The following SS18 variants were observed in gnomAD, a reference collection of about 807,000 sequenced individuals.
The protein encoded by SS18 is SS18 subunit of BAF chromatin remodeling complex, also known as protein SSXT.
A neutral mutation model predicts 72.5 loss-of-function variants in SS18; 28 were observed. The ratio of observed to expected loss-of-function variants is 0.39; its 90% CI spans 0.29 to 0.53. The LOEUF (loss-of-function observed/expected upper bound fraction) is 0.53. Among genes scored for constraint, SS18 ranks in the 20% least tolerant of loss-of-function variants. The pLI, the probability that SS18 is intolerant of heterozygous loss-of-function variation, is 0.76. For missense variants in SS18, 518 were observed against 535.3 expected (o/e 0.97, Z 0.32); for synonymous variants, 172 against 164.2 (o/e 1.05, Z -0.37).
Position 26,090,529 on chromosome 18 carries a change from C to G in SS18, c.41G>C (p.Gly14Ala), listed in dbSNP as rs2054706125. Residue 14 changes from glycine to alanine, a missense_variant, in exon 1 of 11, where the codon GGG becomes GCG. Physicochemically the swap from Gly to Ala is moderately conservative, Grantham distance 60. Coordinates refer to ENST00000415083, the MANE Select transcript of SS18 (RefSeq NM_001007559.3). ...CTGAATCGCAGCGGGAGTGATCTCC[C>G]CCTTGCCTCGCTGCCTCGGGGCCGC... Reference protein sequence around the residue: ...AFAAPRQRGKGEITPAAIQKM... With the variant: ...AFAAPRQRGKAEITPAAIQKM... 2.5e-6 allele frequency: 4 copies of G among 1,588,080 alleles called. No individual in the cohort carries two copies. The highest frequency in any genetic ancestry group is 4.7e-5 in the East Asian group (2 of 42,692).
At chr18:26,019,203 AAAAG>A in intron 10 of SS18, among the ~76,000 whole-genome samples, 1 of 152,334 alleles carries the variant, frequency 6.6e-6, no homozygotes, top group South Asian at 2.1e-4. Context: ...AAGGTAGAAA[AAAAG>A]AAAGACATAC....
At chr18:26,085,581 C>A (rs13381584) in intron 2 of SS18, among the ~76,000 whole-genome samples, 10 of 151,904 alleles carry the variant, frequency 6.6e-5, no homozygotes, top group African/African-American at 1.5e-4. Flanking sequence ...TATCTATAAA[C>A]GTGTATGCAT....
At chr18:26,069,197 G>A (rs2054270534) in intron 3 of SS18, among the ~76,000 whole-genome samples, 1 of 151,840 alleles carries the variant, frequency 6.6e-6, no homozygotes, top group Middle Eastern at 3.2e-3. Flanking sequence ...CGTCATCATC[G>A]CCAATATTCA....
intron 3 of SS18, among the ~76,000 whole-genome samples, chr18:26,075,348 G>A (rs1353373159): frequency 2.0e-5 from 3 of 151,684 alleles, no homozygotes; most frequent in South Asian, 2.1e-4. Flanking sequence ...ACTGAATATC[G>A]CAATTTCTTT....
intron 5 of SS18, among the ~76,000 whole-genome samples, chr18:26,042,666 AGAGT>A (rs2053750666): frequency 6.6e-6 from 1 of 151,854 alleles, no homozygotes; most frequent in Admixed American, 6.6e-5. Context: ...TTTCTTTTGA[AGAGT>A]AAGTCAAGGA....
At position 26,026,615 on chromosome 18, in the gene SS18, GTA is replaced by G. The variant is rs536002099; in HGVS notation, c.1230+5782_1230+5783del. On this transcript the variant is annotated intron_variant, in intron 10 of 10. Transcript: ENST00000415083. ...ACTCTCACCATTTTTATTTAACATG[GTA>G]TTGGAGTTTCTAGTTGAGGCAAGCA... Among the ~76,000 whole-genome samples the G allele has an allele frequency of 1.9e-3, 291 of 152,050 alleles. 1 individual carries two copies. Among genetic ancestry groups the G allele is most frequent in the African/African-American group, 6.9e-3 (286 of 41,458 alleles).
intron 5 of SS18, among the ~76,000 whole-genome samples, chr18:26,046,532 T>A (rs1162583903): frequency 1.3e-5 from 2 of 152,246 alleles, no homozygotes; most frequent in Non-Finnish European, 2.9e-5. Context: ...TTCTCTCATT[T>A]GTATCAATGA....
At chr18:26,058,794 C>T (rs2054069750) in intron 3 of SS18, among the ~76,000 whole-genome samples, 1 of 152,158 alleles carries the variant, frequency 6.6e-6, no homozygotes, top group African/African-American at 2.4e-5. Flanking sequence ...ACAACTAAAT[C>T]CAGATGAATG....
chr18:26,091,011 T>C, upstream of SS18: 1 of 211,196 alleles, frequency 4.7e-6, no homozygotes, highest in Non-Finnish European at 9.6e-6. Flanking sequence ...TGCCTCCCTC[T>C]CCGGCCCTCT....
chr18:26,083,687 T>C (rs192584754), intron 2 of SS18, among the ~76,000 whole-genome samples: 4 of 152,296 alleles, frequency 2.6e-5, no homozygotes. Flanking sequence ...ATGGGTATTA[T>C]AGTACAAATA....
In SS18 at chr18:26,036,930, A is replaced by G. The variant is rs537386353; in HGVS notation, c.881-1007T>C. Among the ~76,000 whole-genome samples the G allele has an allele frequency of 3.9e-4, 59 of 152,248 alleles. No individual in the cohort carries two copies. The South Asian group carries it at 0.012, about 30-fold the overall frequency. ...TGTCCATAGCTGCTTTCATGCTACAATAAGAGTTCAGTAGCTGAGACCAAA... is the reference window on the plus strand; with the variant it reads ...TGTCCATAGCTGCTTTCATGCTACAGTAAGAGTTCAGTAGCTGAGACCAAA... On this transcript the variant is annotated intron_variant, in intron 7 of 10. Coordinates refer to ENST00000415083, the MANE Select transcript of SS18 (RefSeq NM_001007559.3).
At chr18:26,056,194 A>G (rs887988700) in intron 4 of SS18, among the ~76,000 whole-genome samples, 1 of 152,246 alleles carries the variant, frequency 6.6e-6, no homozygotes, top group African/African-American at 2.4e-5. Flanking sequence ...CATGTTAACC[A>G]TAACTGTACT....
At chr18:26,028,086 C>A (rs1381105848) in intron 10 of SS18, among the ~76,000 whole-genome samples, 1 of 151,812 alleles carries the variant, frequency 6.6e-6, no homozygotes, top group Non-Finnish European at 1.5e-5. Flanking sequence ...ACAAAGGCCT[C>A]TTAATACTCA....
chr18:26,082,765 T>G lies in SS18; in HGVS notation c.147-4605A>C, dbSNP rs146721424. Among the ~76,000 whole-genome samples the G allele has an allele frequency of 3.8e-3, 575 of 152,346 alleles. 4 individuals are homozygous for G. Among genetic ancestry groups the G allele is most frequent in the African/African-American group, 0.013 (533 of 41,578 alleles). On this transcript the variant is annotated intron_variant, in intron 2 of 10. Transcript: ENST00000415083. ...GATAAAGCAACATACACAAAGGTACTACCACTGAAAAGTCTTTGGGTAGTA... is the reference window on the plus strand; with the variant it reads ...GATAAAGCAACATACACAAAGGTACGACCACTGAAAAGTCTTTGGGTAGTA...
intron 3 of SS18, among the ~76,000 whole-genome samples, chr18:26,070,931 C>G (rs1231967427): frequency 5.9e-5 from 9 of 151,692 alleles, no homozygotes. Context: ...TTTTAAAATG[C>G]CAGAGCAGAT....
Position 26,071,946 on chromosome 18 carries a change from G to C in SS18, c.231+6130C>G, listed in dbSNP as rs200867260. Among the ~76,000 whole-genome samples, 4 of 151,990 alleles carry C rather than the reference G, an allele frequency of 2.6e-5. No individual in the cohort carries two copies. In the East Asian group the frequency reaches 7.7e-4, roughly 29 times the overall value. ...AAGCAGTGCTAAAGGAAATACTAAG[G>C]AATGTTCTTTAGGAGGTGAAAAAAA... On this transcript the variant is annotated intron_variant, in intron 3 of 10. Transcript: ENST00000415083.
rs940344858 is a variant in SS18, at chr18:26,090,416, C to A, written c.69+85G>T. 7 of 1,388,282 alleles carry A rather than the reference C, an allele frequency of 5.0e-6. No homozygotes were observed. The African/African-American group carries it at 5.8e-5, about 11-fold the overall frequency. 86.0% of individuals were successfully genotyped at this position (1,388,282 alleles called of 1,614,324 possible). On this transcript the variant is annotated intron_variant, in intron 1 of 10. Coordinates refer to ENST00000415083, the MANE Select transcript of SS18 (RefSeq NM_001007559.3). ...AGGCCCGCCTCCGCCTCGGCCCGGT[C>A]GACTCCGGGCCCGGCCCTTCCCCCC...
intron 10 of SS18, among the ~76,000 whole-genome samples, chr18:26,024,057 T>A (rs1452623944): frequency 6.6e-6 from 1 of 152,138 alleles, no homozygotes; most frequent in African/African-American, 2.4e-5. Context: ...TTGAAAATAT[T>A]ATTTTAAGTA....
intron 3 of SS18, among the ~76,000 whole-genome samples, chr18:26,065,738 T>A (rs1010140870): frequency 7.3e-6 from 1 of 136,884 alleles, no homozygotes; most frequent in Admixed American, 7.7e-5. Flanking sequence ...GGAGAAGATA[T>A]CTGCAATATA....
Sources: allele counts gnomAD v4.1 joint callset (sites outside exome capture counted in the v4.1 genomes callset), GRCh38; gene constraint gnomAD v4.1.1; transcripts MANE v1.5; gene names NCBI Gene and HGNC (gene_info 2026-07-23, HGNC 2026-07-21).